The following SDK1 variants were observed in gnomAD, a reference collection of about 807,000 sequenced individuals.
SDK1 encodes protein sidekick-1.
SDK1 carries 157 observed loss-of-function variants against 245.5 expected under a neutral mutation model. That is an observed-to-expected ratio of 0.64 (90% CI 0.56 to 0.73). SDK1 has a LOEUF of 0.73. SDK1 is among the 30% of genes least tolerant of loss of function. SDK1 has a pLI of 0.00. For missense variants in SDK1, 3,583 were observed against 3,002.3 expected (o/e 1.19, Z -4.52); for synonymous variants, 1,647 against 1,278.5 (o/e 1.29, Z -6.15).
chr7:3,713,114 G>A (rs763986180), intron 4 of SDK1, among the ~76,000 whole-genome samples: 3 of 152,260 alleles, frequency 2.0e-5, no homozygotes, highest in Non-Finnish European at 4.4e-5. Context: ...ACAGCGGGGA[G>A]CAGGCTGAAG....
Position 3,549,992 on chromosome 7 carries a change from T to C in SDK1, c.299-69088T>C, listed in dbSNP as rs532591897. Among the ~76,000 whole-genome samples the C allele has an allele frequency of 1.3e-4, 20 of 152,278 alleles. No homozygotes were observed. The South Asian group carries it at 3.9e-3, about 30-fold the overall frequency. On this transcript the variant is annotated intron_variant, in intron 1 of 44. Coordinates refer to ENST00000404826, the MANE Select transcript of SDK1 (RefSeq NM_152744.4). ...TAACCTACATCTTAAAAATATATTT[T>C]AAGTCTGTAATATGCCTATTAAACA...
intron 22 of SDK1, among the ~76,000 whole-genome samples, chr7:4,094,985 C>T (rs544564746): frequency 2.0e-5 from 3 of 152,172 alleles, no homozygotes; most frequent in Non-Finnish European, 2.9e-5. Context: ...GAAGCTTTGT[C>T]GAAACATTTT....
intron 1 of SDK1, among the ~76,000 whole-genome samples, chr7:3,463,441 G>A (rs1780894787): frequency 6.6e-6 from 1 of 152,078 alleles, no homozygotes. Flanking sequence ...CCTTGGACAA[G>A]CTTTTATAGA....
chr7:4,051,808 G>A lies in SDK1; in HGVS notation c.2889G>A (p.Gln963=), dbSNP rs749353115. The A allele has an allele frequency of 6.2e-7, 1 of 1,613,138 alleles. No homozygotes were observed. The highest frequency in any genetic ancestry group is 1.1e-5 in the South Asian group (1 of 90,880). ...TPGDGPPSTP[Q]LVWTQEDKPG... ...GGGACGGGCCTCCCAGCACACCTCAGCTGGTCTGGACTCAGGAAGACAGTG... is the reference window on the plus strand; with the variant it reads ...GGGACGGGCCTCCCAGCACACCTCAACTGGTCTGGACTCAGGAAGACAGTG... The change falls in exon 19 of 45, where the codon CAG becomes CAA. Residue 963 remains glutamine (Q), a synonymous_variant. Coordinates refer to ENST00000404826, the MANE Select transcript of SDK1 (RefSeq NM_152744.4).
intron 4 of SDK1, among the ~76,000 whole-genome samples, chr7:3,672,684 A>C (rs1304904221): frequency 7.2e-6 from 1 of 138,384 alleles, no homozygotes; most frequent in Non-Finnish European, 1.5e-5. Flanking sequence ...TTTGTTATTA[A>C]ATAAAATTTA....
intron 8 of SDK1, among the ~76,000 whole-genome samples, chr7:3,962,226 G>T (rs546151863): frequency 1.3e-5 from 2 of 152,348 alleles, no homozygotes; most frequent in South Asian, 2.1e-4. Context: ...CTGTCCGCGA[G>T]GCATGGACCT....
chr7:4,255,914 CTTTTTT>C (rs34810935), intron 44 of SDK1, among the ~76,000 whole-genome samples: 1 of 104,094 alleles, frequency 9.6e-6, no homozygotes, highest in African/African-American at 4.4e-5. Flanking sequence ...TTTCCAAATA[CTTTTTT>C]TTTTTTTTTT....
At chr7:3,628,358 G>A (rs1379149080) in intron 2 of SDK1, among the ~76,000 whole-genome samples, 1 of 151,998 alleles carries the variant, frequency 6.6e-6, no homozygotes, top group African/African-American at 2.4e-5. Flanking sequence ...TATATATTTT[G>A]TAGAGATGGG....
chr7:3,797,424 A>G (rs1183917422), intron 4 of SDK1, among the ~76,000 whole-genome samples: 4 of 151,022 alleles, frequency 2.6e-5, no homozygotes, highest in African/African-American at 7.3e-5. Flanking sequence ...ATTTAGCCCT[A>G]TACAGCCATG....
At chr7:4,039,069 G>T (rs1175100267) in intron 17 of SDK1, among the ~76,000 whole-genome samples, 2 of 150,504 alleles carry the variant, frequency 1.3e-5, no homozygotes, top group East Asian at 3.9e-4. Flanking sequence ...ACCAAACACC[G>T]CATGTTCTCA....
chr7:3,908,717 T>A (rs575161404), intron 5 of SDK1, among the ~76,000 whole-genome samples: 2 of 152,334 alleles, frequency 1.3e-5, no homozygotes, highest in East Asian at 1.9e-4. Flanking sequence ...GGAAATCATC[T>A]TCTTTTGTAA....
chr7:4,021,474 T>C (rs1006748681), intron 17 of SDK1, among the ~76,000 whole-genome samples: 6 of 152,212 alleles, frequency 3.9e-5, no homozygotes, highest in African/African-American at 1.4e-4. Flanking sequence ...GCTGTGTTTT[T>C]ACTTTTCTCA....
chr7:3,302,521 A>G (rs879468529), intron 1 of SDK1: 2 of 152,178 alleles, frequency 1.3e-5, no homozygotes, highest in African/African-American at 4.8e-5. Context: ...AAATAGGGAA[A>G]GAGGATCTGC....
chr7:3,435,158 C>G (rs1779980353), intron 1 of SDK1, among the ~76,000 whole-genome samples: 1 of 132,534 alleles, frequency 7.5e-6, no homozygotes, highest in East Asian at 2.0e-4. Flanking sequence ...TTGCAAAAGT[C>G]TCTGTATTTT....
chr7:3,823,550 C>A (rs570156832), intron 5 of SDK1, among the ~76,000 whole-genome samples: 1 of 152,242 alleles, frequency 6.6e-6, no homozygotes, highest in East Asian at 1.9e-4. Flanking sequence ...TAGCGTAATA[C>A]CATGGTGTTA....
At chr7:3,452,682 G>A (rs1348358797) in intron 1 of SDK1, among the ~76,000 whole-genome samples, 2 of 152,066 alleles carry the variant, frequency 1.3e-5, no homozygotes, top group African/African-American at 2.4e-5. Flanking sequence ...TCCTATGTAC[G>A]GTGACATTTA....
intron 4 of SDK1, among the ~76,000 whole-genome samples, chr7:3,744,197 C>T (rs1005224806): frequency 6.6e-6 from 1 of 152,018 alleles, no homozygotes; most frequent in Admixed American, 6.6e-5. Context: ...TCTCAAATGC[C>T]ATCTCCCAAG....
rs1193726387 is a variant in SDK1 at position 3,826,600 on chromosome 7, C to T, written c.847+5017C>T. On this transcript the variant is annotated intron_variant, in intron 5 of 44. Transcript: ENST00000404826. ...TTTGTGAGAGTTAGTTTAGATAAAA[C>T]GAAATACACAAATACATAAATCCAC... is the stretch of plus-strand genomic sequence containing the variant. Among the ~76,000 whole-genome samples the T allele has an allele frequency of 2.0e-5, 3 of 152,192 alleles. No individual in the cohort carries two copies. The South Asian group carries it at 6.2e-4, about 32-fold the overall frequency.
At chr7:3,860,141 C>T (rs917741219) in intron 5 of SDK1, among the ~76,000 whole-genome samples, 13 of 152,034 alleles carry the variant, frequency 8.6e-5, no homozygotes, top group African/African-American at 3.1e-4. Flanking sequence ...AGGATGGTCT[C>T]ACTCTCCTGA....
Sources: allele counts gnomAD v4.1 joint callset (sites outside exome capture counted in the v4.1 genomes callset), GRCh38; gene constraint gnomAD v4.1.1; transcripts MANE v1.5; gene names NCBI Gene and HGNC (gene_info 2026-07-23, HGNC 2026-07-21).